Variants in ZFPM1 observed in about 807,000 individuals in gnomAD.
ZFPM1 encodes zinc finger protein, FOG family member 1, also known as zinc finger protein ZFPM1.
A neutral mutation model predicts 46.3 loss-of-function variants in ZFPM1; 28 were observed. The ratio of observed to expected loss-of-function variants is 0.60; its 90% CI spans 0.45 to 0.83. The LOEUF is 0.83. ZFPM1 is among the 40% of genes least tolerant of loss of function. The probability of loss-of-function intolerance (pLI) is 0.00; values close to 1 mark genes in which losing one functional copy is unlikely to be tolerated. For synonymous variants in ZFPM1, 957 were observed against 675.9 expected, an observed-to-expected ratio of 1.42 and a Z score of -6.45; for missense variants, 1,878 against 1,432.4, an observed-to-expected ratio of 1.31 and a Z score of -5.02.
intron 3 of ZFPM1, 120 bp from the exon 4 acceptor site, chr16:88,514,267 C>G: frequency 6.8e-7 from 1 of 1,468,546 alleles, no homozygotes; most frequent in Non-Finnish European, 9.0e-7. Context: ...CGGCCCCTGC[C>G]ATTCACCCCA....
rs1453698704 is a variant in ZFPM1, at chr16:88,533,719, C to T, written c.1761C>T (p.Ser587=). 1.3e-6 allele frequency: 2 copies of T among 1,496,926 alleles called. No individual in the cohort carries two copies. The highest frequency in any genetic ancestry group is 1.9e-4 in the Middle Eastern group (1 of 5,284). The allele number at this position is 1,496,926 out of a possible 1,614,324, so 92.7% of individuals were successfully genotyped here. A position where few individuals can be genotyped will look rare whatever the true frequency, so the allele number is the denominator to read the frequency against. ...GCTTCGAGTGCGAGATCACCTTCAGCAACGTCAACAACTACTACGTGCACA... is the reference window on the plus strand; with the variant it reads ...GCTTCGAGTGCGAGATCACCTTCAGTAACGTCAACAACTACTACGTGCACA... ...ATCFECEITF[S]NVNNYYVHKR... Residue 587 remains serine (S), a synonymous_variant, in exon 10 of 10, where the codon AGC becomes AGT. Coordinates refer to ENST00000319555, the MANE Select transcript of ZFPM1 (RefSeq NM_153813.3).
chr16:88,506,274 GACCAGGGCAGGGGTGGGGGGGC>G (rs1910654201), intron 3 of ZFPM1, among the ~76,000 whole-genome samples: 1 of 125,930 alleles, frequency 7.9e-6, no homozygotes, highest in African/African-American at 3.1e-5. Context: ...GGGGCAGGGA[GACCAGGGCAGGGGTGGGGGGGC>G]ACCAGGGCAG....
At chr16:88,478,195 C>T (rs559495173) in intron 1 of ZFPM1, among the ~76,000 whole-genome samples, 83 of 152,234 alleles carry the variant, frequency 5.5e-4, no homozygotes, top group African/African-American at 1.9e-3. Flanking sequence ...GCTCAGGCCA[C>T]GTCCCCAGCC....
At chr16:88,521,787 G>A (rs1911920476) in intron 4 of ZFPM1, among the ~76,000 whole-genome samples, 1 of 109,040 alleles carries the variant, frequency 9.2e-6, no homozygotes, top group Non-Finnish European at 1.8e-5. Flanking sequence ...CACACCCTGT[G>A]CTGTTCCCTC....
chr16:88,483,325 G>T (rs1199850937), intron 1 of ZFPM1, among the ~76,000 whole-genome samples: 1 of 151,754 alleles, frequency 6.6e-6, no homozygotes, highest in Non-Finnish European at 1.5e-5. Context: ...CAGGATGAGG[G>T]TCCCCTCCTC....
intron 1 of ZFPM1, among the ~76,000 whole-genome samples, chr16:88,455,665 G>T (rs1027577314): frequency 6.6e-6 from 1 of 152,076 alleles, no homozygotes; most frequent in Non-Finnish European, 1.5e-5. Context: ...TGGCGCAGCT[G>T]CCCGCGCCTC....
At chr16:88,486,080 C>T (rs375932925) in intron 2 of ZFPM1, 37 bp downstream of exon 2, 93 of 1,580,396 alleles carry the variant, frequency 5.9e-5, no homozygotes, top group South Asian at 4.1e-4. Flanking sequence ...CGCCTCCAGC[C>T]GGGGCCTCCA....
intron 1 of ZFPM1, among the ~76,000 whole-genome samples, chr16:88,455,862 G>T (rs1004457359): frequency 3.3e-5 from 5 of 152,186 alleles, no homozygotes; most frequent in South Asian, 2.1e-4. Context: ...CGGGGAGCGC[G>T]GGGCCGGGGC....
At chr16:88,492,022 C>G (rs1909608724) in intron 3 of ZFPM1, among the ~76,000 whole-genome samples, 1 of 152,174 alleles carries the variant, frequency 6.6e-6, no homozygotes, top group Admixed American at 6.5e-5. Flanking sequence ...CCCTGCTCCT[C>G]CTGAGCATCT....
chr16:88,468,131 C>T (rs1195468306), intron 1 of ZFPM1, among the ~76,000 whole-genome samples: 29 of 144,556 alleles, frequency 2.0e-4, no homozygotes, highest in Non-Finnish European at 3.3e-4. Flanking sequence ...CTCACGCACC[C>T]GCGAGCCCAC....
chr16:88,457,212 T>C (rs917936041), intron 1 of ZFPM1, among the ~76,000 whole-genome samples: 4 of 152,214 alleles, frequency 2.6e-5, no homozygotes, highest in Non-Finnish European at 5.9e-5. Flanking sequence ...TGATGTGTTA[T>C]GAACATGAGT....
upstream of ZFPM1, chr16:88,453,243 CCGA>C (rs1567522511): frequency 6.8e-6 from 1 of 146,986 alleles, no homozygotes; most frequent in African/African-American, 2.4e-5. Context: ...GGTGCGGCGG[CCGA>C]CGACGCTCAG....
Position 88,533,585 on chromosome 16 carries a change from C to G in ZFPM1, c.1627C>G (p.Leu543Val). 1 of 1,500,362 alleles carries G rather than the reference C, an allele frequency of 6.7e-7. No individual in the cohort carries two copies. The highest frequency in any genetic ancestry group is 8.9e-7 in the Non-Finnish European group (1 of 1,124,612). The allele number at this position is 1,500,362 out of a possible 1,614,324, so 92.9% of individuals were successfully genotyped here. The change falls in exon 10 of 10, where the codon CTG (leucine) becomes GTG (valine). Residue 543 changes from leucine to valine, a missense_variant. Leu to Val is a conservative substitution (Grantham distance 32). Transcript: ENST00000319555. ...PDAAPPASEI[L>V]AKMSELVHSR... is the part of the protein sequence containing the mutation. ...CGCGGCGCCCCCCGCCTCGGAGATC[C>G]TGGCCAAGATGTCCGAGCTGGTGCA...
intron 4 of ZFPM1, among the ~76,000 whole-genome samples, chr16:88,516,882 G>C (rs973823100): frequency 6.6e-6 from 1 of 152,156 alleles, no homozygotes; most frequent in African/African-American, 2.4e-5. Context: ...CTCACAGGCC[G>C]GGATGAACAG....
At chr16:88,506,932 TCA>T (rs955855663) in intron 3 of ZFPM1, among the ~76,000 whole-genome samples, 5 of 152,236 alleles carry the variant, frequency 3.3e-5, no homozygotes, top group Non-Finnish European at 7.3e-5. Context: ...CTAGCGCATG[TCA>T]CGTTGTTCCT....
At chr16:88,519,038 GTGGATGGATAGA>G (rs1175020743) in intron 4 of ZFPM1, among the ~76,000 whole-genome samples, 20 of 125,704 alleles carry the variant, frequency 1.6e-4, no homozygotes, top group African/African-American at 5.7e-4. Context: ...GGATGGATGG[GTGGATGGATAGA>G]TGGATGGATG....
At chr16:88,519,319 G>A (rs1483921321) in intron 4 of ZFPM1, among the ~76,000 whole-genome samples, 1 of 151,390 alleles carries the variant, frequency 6.6e-6, no homozygotes, top group African/African-American at 2.4e-5. Flanking sequence ...GTGAAGGAGT[G>A]GATAGATGGA....
intron 3 of ZFPM1, among the ~76,000 whole-genome samples, chr16:88,490,734 G>C (rs2142380460): frequency 6.6e-6 from 1 of 152,314 alleles, no homozygotes; most frequent in East Asian, 1.9e-4. Context: ...CGGCCCCATG[G>C]GGAAGCTGAG....
At chr16:88,501,896 C>A (rs1910364944) in intron 3 of ZFPM1, among the ~76,000 whole-genome samples, 1 of 152,090 alleles carries the variant, frequency 6.6e-6, no homozygotes, top group South Asian at 2.1e-4. Context: ...GAGGGGGCTC[C>A]TGGGCCGATG....
Sources: allele counts gnomAD v4.1 joint callset (sites outside exome capture counted in the v4.1 genomes callset), GRCh38; gene constraint gnomAD v4.1.1; transcripts MANE v1.5; gene names NCBI Gene and HGNC (gene_info 2026-07-23, HGNC 2026-07-21).